Variants in SLC24A2 observed in about 807,000 individuals in gnomAD.
The protein encoded by SLC24A2 is sodium/potassium/calcium exchanger 2.
In SLC24A2, 36 loss-of-function variants were observed where a neutral mutation model predicts 62.0. The observed-to-expected ratio is 0.58, with a 90% confidence interval of 0.44 to 0.77. The LOEUF is 0.77. Ranked by LOEUF, SLC24A2 falls within the 30% of genes least tolerant of loss-of-function variation. SLC24A2 has a pLI of 0.00. For synonymous variants in SLC24A2, 358 were observed against 294.0 expected (o/e 1.22, Z -2.23); for missense variants, 846 against 817.9 (o/e 1.03, Z -0.42).
chr9:20,090,404 A>G, the SLC24A2 span, among the ~76,000 whole-genome samples: 1 of 152,170 alleles, frequency 6.6e-6, no homozygotes, highest in African/African-American at 2.4e-5. Flanking sequence ...TGCGATCTAC[A>G]GCCAGCACTC....
the SLC24A2 span, among the ~76,000 whole-genome samples, chr9:20,273,725 T>C: frequency 1.3e-5 from 2 of 152,174 alleles, no homozygotes; most frequent in East Asian, 1.9e-4. Context: ...CTCAGGTATG[T>C]CTTTATTAGC....
the SLC24A2 span, among the ~76,000 whole-genome samples, chr9:20,014,907 G>T: frequency 2.0e-5 from 3 of 152,134 alleles, no homozygotes; most frequent in African/African-American, 2.4e-5. Context: ...GAAATGATAC[G>T]TAAGTATGGT....
chr9:19,706,402 C>T (rs1211781739), intron 2 of SLC24A2, among the ~76,000 whole-genome samples: 14 of 137,140 alleles, frequency 1.0e-4, no homozygotes, highest in African/African-American at 3.0e-4. Flanking sequence ...TTTTTTGAGA[C>T]GGAGTTTCGC....
chr9:19,693,011 T>C (rs1238523157), intron 2 of SLC24A2, among the ~76,000 whole-genome samples: 2 of 152,168 alleles, frequency 1.3e-5, no homozygotes, highest in Admixed American at 1.3e-4. Context: ...AATGGGGACA[T>C]TATTGACTGA....
the SLC24A2 span, among the ~76,000 whole-genome samples, chr9:20,113,094 C>A: frequency 6.6e-6 from 1 of 152,036 alleles, no homozygotes; most frequent in African/African-American, 2.4e-5. Flanking sequence ...GGGCATAGAA[C>A]CCTCTTTTGC....
At chr9:19,542,256 G>A (rs926418678) in intron 8 of SLC24A2, among the ~76,000 whole-genome samples, 2 of 152,180 alleles carry the variant, frequency 1.3e-5, no homozygotes, top group Non-Finnish European at 2.9e-5. Flanking sequence ...TTTTATTGGT[G>A]TATATGAATG....
At chr9:20,131,242 T>A in the SLC24A2 span, among the ~76,000 whole-genome samples, 1 of 152,122 alleles carries the variant, frequency 6.6e-6, no homozygotes, top group African/African-American at 2.4e-5. Flanking sequence ...CCCCTCACAG[T>A]AGATTATTAA....
the SLC24A2 span, among the ~76,000 whole-genome samples, chr9:20,283,754 G>A: frequency 7.2e-5 from 8 of 111,104 alleles, no homozygotes; most frequent in South Asian, 5.7e-4. Context: ...AAAAAAAAGG[G>A]GGGGGGGGGC....
At chr9:19,551,086 G>A (rs1018790017) in intron 7 of SLC24A2, among the ~76,000 whole-genome samples, 1 of 152,118 alleles carries the variant, frequency 6.6e-6, no homozygotes, top group African/African-American at 2.4e-5. Flanking sequence ...CTATCTAACT[G>A]TAAGTTTGTA....
At chr9:20,088,753 G>A in the SLC24A2 span, among the ~76,000 whole-genome samples, 3 of 152,128 alleles carry the variant, frequency 2.0e-5, no homozygotes, top group East Asian at 1.9e-4. Flanking sequence ...ATTCCTCCTC[G>A]TTGGGCAGGA....
the SLC24A2 span, among the ~76,000 whole-genome samples, chr9:20,257,802 T>G: frequency 2.0e-5 from 3 of 152,176 alleles, no homozygotes; most frequent in Non-Finnish European, 2.9e-5. Flanking sequence ...CAATAAATAA[T>G]GGTTCCCATC....
the SLC24A2 span, among the ~76,000 whole-genome samples, chr9:19,838,221 G>A: frequency 2.0e-5 from 3 of 151,894 alleles, no homozygotes; most frequent in Non-Finnish European, 4.4e-5. Context: ...CAAAACAGAG[G>A]TATAGACCAA....
chr9:19,690,294 T>G (rs1486928307), intron 2 of SLC24A2, among the ~76,000 whole-genome samples: 1 of 152,100 alleles, frequency 6.6e-6, no homozygotes, highest in Non-Finnish European at 1.5e-5. Context: ...TTTGATTTAG[T>G]AGGGGATGGA....
the SLC24A2 span, among the ~76,000 whole-genome samples, chr9:20,104,198 G>A: frequency 1.3e-5 from 2 of 152,214 alleles, no homozygotes; most frequent in Non-Finnish European, 2.9e-5. Context: ...ATGGGACTAT[G>A]TGAAAAGACC....
At chr9:19,985,494 T>C in the SLC24A2 span, among the ~76,000 whole-genome samples, 2 of 152,220 alleles carry the variant, frequency 1.3e-5, no homozygotes, top group African/African-American at 4.8e-5. Context: ...CTATGTACTA[T>C]ATTATTTCAT....
chr9:20,207,480 T>A, the SLC24A2 span, among the ~76,000 whole-genome samples: 1 of 152,232 alleles, frequency 6.6e-6, no homozygotes, highest in African/African-American at 2.4e-5. Context: ...AAAATTAGGC[T>A]AAGAAATGAG....
At chr9:20,165,548 C>G in the SLC24A2 span, among the ~76,000 whole-genome samples, 1 of 151,506 alleles carries the variant, frequency 6.6e-6, no homozygotes, top group East Asian at 1.9e-4. Flanking sequence ...CTGAGGCAAA[C>G]AGAGAAATAA....
intron 8 of SLC24A2, among the ~76,000 whole-genome samples, chr9:19,535,923 T>A (rs1282215805): frequency 1.3e-5 from 2 of 150,572 alleles, no homozygotes; most frequent in African/African-American, 5.0e-5. Flanking sequence ...ATCTATAAAT[T>A]ACTTTGGAAA....
At chr9:19,821,320 A>C in the SLC24A2 span, among the ~76,000 whole-genome samples, 1 of 152,156 alleles carries the variant, frequency 6.6e-6, no homozygotes, top group Non-Finnish European at 1.5e-5. Flanking sequence ...ATAAATGCAC[A>C]GTGTCTTCAT....
Sources: allele counts gnomAD v4.1 joint callset (sites outside exome capture counted in the v4.1 genomes callset), GRCh38; gene constraint gnomAD v4.1.1; transcripts MANE v1.5; gene names NCBI Gene and HGNC (gene_info 2026-07-23, HGNC 2026-07-21).